The following MGAT5 variants were observed in gnomAD, a reference collection of about 807,000 sequenced individuals.
MGAT5 encodes alpha-1,6-mannosylglycoprotein 6-beta-N-acetylglucosaminyltransferase A.
MGAT5 carries 30 observed loss-of-function variants against 94.3 expected under a neutral mutation model. That is an observed-to-expected ratio of 0.32 (90% CI 0.24 to 0.43). MGAT5 has a LOEUF of 0.43. Ranked by LOEUF, MGAT5 falls within the 20% of genes least tolerant of loss-of-function variation. The pLI is 1.00. For missense variants in MGAT5, 691 were observed against 905.5 expected (o/e 0.76, Z 3.04); for synonymous variants, 310 against 322.9 (o/e 0.96, Z 0.43).
intron 4 of MGAT5, among the ~76,000 whole-genome samples, chr2:134,328,184 C>T (rs543557720): frequency 9.9e-5 from 15 of 152,186 alleles, no homozygotes; most frequent in East Asian, 1.9e-4. Context: ...TTTTGTGGCA[C>T]ACTGAACACT....
intron 1 of MGAT5, among the ~76,000 whole-genome samples, chr2:134,126,205 TCTG>T (rs766604513): frequency 9.2e-5 from 14 of 152,222 alleles, no homozygotes; most frequent in Non-Finnish European, 1.8e-4. Flanking sequence ...TCGGAATGCT[TCTG>T]CCAAATAAAT....
At chr2:134,145,179 T>C (rs1310598691) in intron 1 of MGAT5, among the ~76,000 whole-genome samples, 1 of 151,780 alleles carries the variant, frequency 6.6e-6, no homozygotes, top group East Asian at 1.9e-4. Flanking sequence ...TCCAAGGAAT[T>C]ATAACCAAAG....
rs536756339 is a variant in MGAT5, at chr2:134,327,990, C to T, written c.574-8227C>T. 7.2e-5 allele frequency among the ~76,000 whole-genome samples: 11 copies of T among 152,224 alleles called. No individual in the cohort carries two copies. The South Asian group carries it at 2.3e-3, about 32-fold the overall frequency. On this transcript the variant is annotated intron_variant, in intron 4 of 15. Coordinates refer to ENST00000281923, the MANE Select transcript of MGAT5 (RefSeq NM_002410.5). The stretch of plus-strand genomic sequence containing the variant: ...AGTTGGGACCAGTTTTGCCAGCATC[C>T]AGTGGGAGCTGTGCCTAGTGAGAGT...
chr2:134,167,258 C>T (rs772329513), intron 1 of MGAT5, among the ~76,000 whole-genome samples: 33 of 152,334 alleles, frequency 2.2e-4, no homozygotes, highest in Non-Finnish European at 4.0e-4. Flanking sequence ...TCCTCAGCCT[C>T]ATCATGAGGA....
rs746434920 is a variant in MGAT5 at position 134,428,355 on chromosome 2, G to C, written c.1795-10G>C. The C allele has an allele frequency of 1.2e-5, 19 of 1,613,402 alleles. No homozygotes were observed. In the East Asian group the frequency reaches 4.0e-4, roughly 34 times the overall value. ...CTTCTCCTTCATGGTATCATGCTCTGTTTCCACAGATTGAGCCATACATGC... is the reference window on the plus strand; with the variant it reads ...CTTCTCCTTCATGGTATCATGCTCTCTTTCCACAGATTGAGCCATACATGC... On this transcript the variant is annotated splice_polypyrimidine_tract_variant and intron_variant, in intron 13 of 15. Transcript: ENST00000281923.
intron 1 of MGAT5, among the ~76,000 whole-genome samples, chr2:134,202,056 C>A (rs1423951475): frequency 6.6e-6 from 1 of 151,800 alleles, no homozygotes; most frequent in Non-Finnish European, 1.5e-5. Flanking sequence ...ACCACCCACC[C>A]CAAGAACTTG....
chr2:134,158,257 C>T (rs1279992145), intron 1 of MGAT5, among the ~76,000 whole-genome samples: 1 of 152,204 alleles, frequency 6.6e-6, no homozygotes, highest in Non-Finnish European at 1.5e-5. Flanking sequence ...ATGTCTGCCT[C>T]CTCCCAGTGT....
chr2:134,202,397 T>C (rs534177835), intron 1 of MGAT5, among the ~76,000 whole-genome samples: 1 of 152,348 alleles, frequency 6.6e-6, no homozygotes, highest in African/African-American at 2.4e-5. Flanking sequence ...AGAAATGGCA[T>C]CTATGAAGCA....
intron 15 of MGAT5, among the ~76,000 whole-genome samples, chr2:134,444,511 A>G (rs1053973846): frequency 6.6e-5 from 10 of 152,214 alleles, no homozygotes; most frequent in Non-Finnish European, 1.3e-4. Flanking sequence ...AAATACTGAT[A>G]ATGTTGTAAA....
chr2:134,336,435 G>C, intron 5 of MGAT5, 147 bp downstream of exon 5: 2 of 659,400 alleles, frequency 3.0e-6, no homozygotes, highest in Admixed American at 5.6e-5. Flanking sequence ...GGAAGTCTAA[G>C]TGACTAAATC....
chr2:134,197,695 A>C (rs559041692), intron 1 of MGAT5, among the ~76,000 whole-genome samples: 1 of 152,362 alleles, frequency 6.6e-6, no homozygotes, highest in Non-Finnish European at 1.5e-5. Context: ...ACCTCAAACA[A>C]TACTGATTTA....
At chr2:134,264,928 A>G (rs1683608292) in intron 1 of MGAT5, among the ~76,000 whole-genome samples, 1 of 152,232 alleles carries the variant, frequency 6.6e-6, no homozygotes, top group South Asian at 2.1e-4. Context: ...TTTCAGATGT[A>G]AGACCTTGCT....
chr2:134,441,617 A>G, intron 14 of MGAT5, 141 bp from the exon 15 acceptor site: 1 of 987,770 alleles, frequency 1.0e-6, no homozygotes, highest in East Asian at 2.5e-5. Flanking sequence ...GCCCCAATCC[A>G]GCCCATCCAT....
intron 2 of MGAT5, among the ~76,000 whole-genome samples, chr2:134,288,300 A>G (rs925190168): frequency 6.6e-6 from 1 of 152,232 alleles, no homozygotes; most frequent in African/African-American, 2.4e-5. Context: ...TTCAAGTTCC[A>G]TATAGGAATT....
chr2:134,221,453 A>C (rs1303834615), intron 1 of MGAT5, among the ~76,000 whole-genome samples: 1 of 152,202 alleles, frequency 6.6e-6, no homozygotes, highest in African/African-American at 2.4e-5. Context: ...ATCTTTCAGC[A>C]GACTTCAGAG....
At chr2:134,357,533 T>A (rs1558820958) in intron 9 of MGAT5, among the ~76,000 whole-genome samples, 1 of 152,222 alleles carries the variant, frequency 6.6e-6, no homozygotes, top group African/African-American at 2.4e-5. Flanking sequence ...CATGTACAAT[T>A]TTATTTTTAG....
rs183440376 is a variant in MGAT5 at position 134,128,977 on chromosome 2, A to C, written c.-143+8686A>C. 2.6e-5 allele frequency among the ~76,000 whole-genome samples: 4 copies of C among 152,036 alleles called. No individual in the cohort carries two copies. In the East Asian group the frequency reaches 7.7e-4, roughly 29 times the overall value. On this transcript the variant is annotated intron_variant, in intron 1 of 16. Transcript: ENST00000409645. ...CAGTGGTTTCAAGTGTGACTGTTCT[A>C]TTTCCTCACTGTCAGTCTCTAATAG...
chr2:134,175,742 T>G (rs1164663652), intron 1 of MGAT5, among the ~76,000 whole-genome samples: 1 of 152,200 alleles, frequency 6.6e-6, no homozygotes, highest in East Asian at 1.9e-4. Flanking sequence ...TAATTTCTCT[T>G]TTCTCTCCAA....
chr2:134,387,723 C>G (rs146966874), intron 10 of MGAT5, among the ~76,000 whole-genome samples: 2 of 152,134 alleles, frequency 1.3e-5, no homozygotes, highest in East Asian at 3.9e-4. Flanking sequence ...TGACTTGGTT[C>G]TGAACAGCAC....
Sources: allele counts gnomAD v4.1 joint callset (sites outside exome capture counted in the v4.1 genomes callset), GRCh38; gene constraint gnomAD v4.1.1; transcripts MANE v1.5; gene names NCBI Gene and HGNC (gene_info 2026-07-23, HGNC 2026-07-21).